KIAA0232: variants seen among roughly 807,000 people sequenced by gnomAD.
The protein encoded by KIAA0232 is uncharacterized protein KIAA0232.
A neutral mutation model predicts 122.0 loss-of-function variants in KIAA0232; 27 were observed. That is an observed-to-expected ratio of 0.22 (90% CI 0.16 to 0.31). The LOEUF is 0.31. Among genes scored for constraint, KIAA0232 ranks in the 10% least tolerant of loss-of-function variants. The probability of loss-of-function intolerance (pLI) is 1.00; values close to 1 mark genes in which losing one functional copy is unlikely to be tolerated. For synonymous variants in KIAA0232, 613 were observed against 587.6 expected (o/e 1.04, Z -0.63); for missense variants, 1,551 against 1,634.2 (o/e 0.95, Z 0.88).
intron 8 of KIAA0232, among the ~76,000 whole-genome samples, chr4:6,876,260 T>C (rs1321450927): frequency 1.3e-5 from 2 of 152,238 alleles, no homozygotes; most frequent in Non-Finnish European, 2.9e-5. Flanking sequence ...ATGAACGTGC[T>C]ATGATGCACC....
chr4:6,795,783 G>A (rs1717106707), intron 1 of KIAA0232, among the ~76,000 whole-genome samples: 2 of 152,186 alleles, frequency 1.3e-5, no homozygotes, highest in Non-Finnish European at 2.9e-5. Flanking sequence ...TAGAGACTGG[G>A]TCTCACTATG....
intron 7 of KIAA0232, among the ~76,000 whole-genome samples, chr4:6,868,687 T>C (rs1445948300): frequency 1.3e-5 from 2 of 152,216 alleles, no homozygotes; most frequent in Non-Finnish European, 2.9e-5. Context: ...CTTCATTCTT[T>C]TCATTCCCAG....
chr4:6,839,496 A>G (rs914463490), intron 3 of KIAA0232, among the ~76,000 whole-genome samples: 1 of 152,244 alleles, frequency 6.6e-6, no homozygotes, highest in Non-Finnish European at 1.5e-5. Flanking sequence ...ATGTGAATGC[A>G]TCAATACAGA....
intron 1 of KIAA0232, among the ~76,000 whole-genome samples, chr4:6,794,766 C>T (rs955162272): frequency 6.6e-6 from 1 of 152,034 alleles, no homozygotes; most frequent in Non-Finnish European, 1.5e-5. Context: ...GTGGGATGTG[C>T]GAGGAGGAGC....
At chr4:6,824,757 T>A in intron 3 of KIAA0232, 73 bp downstream of exon 3, 3 of 1,266,554 alleles carry the variant, frequency 2.4e-6, no homozygotes, top group Non-Finnish European at 3.4e-6. Context: ...AAACAAGCAC[T>A]TTTATACTTT....
intron 3 of KIAA0232, 148 bp from the exon 4 acceptor site, chr4:6,841,919 C>A: frequency 1.2e-6 from 1 of 828,138 alleles, no homozygotes; most frequent in African/African-American, 1.8e-5. Context: ...GGAATGCCAG[C>A]TCCCTTCGTC....
chr4:6,842,666 A>C (rs1357759609), intron 4 of KIAA0232, among the ~76,000 whole-genome samples: 1 of 151,304 alleles, frequency 6.6e-6, no homozygotes, highest in African/African-American at 2.4e-5. Context: ...ACTTACTGCA[A>C]CCTCTGCCTC....
intron 7 of KIAA0232, among the ~76,000 whole-genome samples, chr4:6,867,874 A>C (rs1180196748): frequency 1.3e-5 from 2 of 152,202 alleles, no homozygotes; most frequent in Non-Finnish European, 2.9e-5. Flanking sequence ...GGGACAGGCA[A>C]AGCATTTTCC....
At chr4:6,848,820 T>G (rs1379364148) in intron 4 of KIAA0232, among the ~76,000 whole-genome samples, 1 of 152,236 alleles carries the variant, frequency 6.6e-6, no homozygotes, top group Non-Finnish European at 1.5e-5. Flanking sequence ...GAAGTGATGC[T>G]GTGCTCTCTC....
chr4:6,866,844 G>A (rs1034052076), intron 7 of KIAA0232, among the ~76,000 whole-genome samples: 6 of 152,174 alleles, frequency 3.9e-5, no homozygotes, highest in Non-Finnish European at 5.9e-5. Flanking sequence ...AGAATTCAGC[G>A]TAGTGAAGAT....
intron 8 of KIAA0232, among the ~76,000 whole-genome samples, chr4:6,872,879 T>C (rs1284186902): frequency 2.0e-5 from 3 of 152,220 alleles, no homozygotes; most frequent in Non-Finnish European, 4.4e-5. Flanking sequence ...GAAGGCCAGC[T>C]TGGCCAGGTT....
In KIAA0232 at chr4:6,864,069, T is replaced by G; in HGVS notation, c.3687T>G (p.Asn1229Lys). The G allele has an allele frequency of 6.2e-7, 1 of 1,614,158 alleles. No individual in the cohort carries two copies. The highest frequency in any genetic ancestry group is 8.5e-7 in the Non-Finnish European group (1 of 1,180,016). The change falls in exon 7 of 10, where the codon AAT (asparagine) becomes AAG (lysine). Residue 1229 changes from asparagine (N) to lysine (K), a missense_variant. Physicochemically the swap from Asn to Lys is moderately conservative, Grantham distance 94. Coordinates refer to ENST00000307659, the MANE Select transcript of KIAA0232 (RefSeq NM_014743.3). ...LEIDLESSEA[N>K]CKIMAQCEEE... is the part of the protein sequence containing the mutation. ...TAGATTTAGAAAGCTCAGAAGCAAA[T>G]TGTAAAATAATGGCACAATGCGAGG...
chr4:6,840,152 G>T (rs969496189), intron 3 of KIAA0232, among the ~76,000 whole-genome samples: 2 of 152,122 alleles, frequency 1.3e-5, no homozygotes, highest in African/African-American at 4.8e-5. Flanking sequence ...CTGCCTCTCT[G>T]CCTACCTCTT....
intron 8 of KIAA0232, among the ~76,000 whole-genome samples, chr4:6,873,576 A>C (rs1721607235): frequency 6.6e-6 from 1 of 152,124 alleles, no homozygotes; most frequent in Admixed American, 6.5e-5. Flanking sequence ...ATGTTTCTTT[A>C]GTAAAGGGCA....
chr4:6,783,552 C>T (rs942420962), intron 1 of KIAA0232, among the ~76,000 whole-genome samples: 2 of 152,232 alleles, frequency 1.3e-5, no homozygotes, highest in Admixed American at 1.3e-4. Flanking sequence ...CTCGCGTTCC[C>T]TCCGTTCCCC....
At chr4:6,836,351 C>A (rs1238244907) in intron 3 of KIAA0232, among the ~76,000 whole-genome samples, 1 of 145,328 alleles carries the variant, frequency 6.9e-6, no homozygotes, top group African/African-American at 2.6e-5. Flanking sequence ...TTTTTTTTGG[C>A]TTTGCAAATC....
At chr4:6,873,122 TCAAGCTTTTCTTTTACATAATTCCCA>T (rs111942338) in intron 8 of KIAA0232, among the ~76,000 whole-genome samples, 2,314 of 152,354 alleles carry the variant, frequency 0.015, 57 homozygotes, top group African/African-American at 0.052. Context: ...CAAGGTGCTC[TCAAGCTTTTCTTTTACATAATTCCCA>T]CAAGAACCTT....
chr4:6,817,055 G>A lies in KIAA0232; in HGVS notation c.-269-7130G>A, dbSNP rs190012064. Among the ~76,000 whole-genome samples the A allele has an allele frequency of 5.2e-4, 79 of 152,030 alleles. No homozygotes were observed. The East Asian group carries it at 0.012, about 23-fold the overall frequency. On this transcript the variant is annotated intron_variant, in intron 2 of 9. Coordinates refer to ENST00000307659, the MANE Select transcript of KIAA0232 (RefSeq NM_014743.3). ...TTGTTTTTCTGCTTTCTATTTCACT[G>A]GTTTCTGCTCTGAGCTTTTTTCTGC...
chr4:6,877,024 G>A lies in KIAA0232; in HGVS notation c.4008+267G>A, dbSNP rs892849039. ...CAGTCTTGGCTCTACACTACTGCCC[G>A]AGGGCATTGCATTACAAATGCAGAG... is the stretch of plus-strand genomic sequence containing the variant. On this transcript the variant is annotated intron_variant, in intron 9 of 9. Transcript: ENST00000307659. 5.9e-5 allele frequency among the ~76,000 whole-genome samples: 9 copies of A among 152,064 alleles called. No individual in the cohort carries two copies. The South Asian group carries it at 8.3e-4, about 14-fold the overall frequency.
Sources: allele counts gnomAD v4.1 joint callset (sites outside exome capture counted in the v4.1 genomes callset), GRCh38; gene constraint gnomAD v4.1.1; transcripts MANE v1.5; gene names NCBI Gene and HGNC (gene_info 2026-07-23, HGNC 2026-07-21).